Variants in RFX2 observed in about 807,000 individuals in gnomAD.
The protein encoded by RFX2 is DNA-binding protein RFX2.
Under a neutral mutation model 87.8 loss-of-function variants are expected in RFX2, and 20 were observed. The ratio of observed to expected loss-of-function variants is 0.23; its 90% CI spans 0.16 to 0.33. RFX2 has a LOEUF of 0.33. RFX2 is among the 10% of genes least tolerant of loss of function. RFX2 has a pLI of 1.00. For missense variants in RFX2, 767 were observed against 1,012.3 expected (o/e 0.76, Z 3.29); for synonymous variants, 397 against 431.3 (o/e 0.92, Z 0.98).
Position 6,021,724 on chromosome 19 carries a change from G to A in RFX2, c.597+4439C>T, listed in dbSNP as rs2086813648. ...GGAGTGGGAGAGAGCGGGTCCTGCA[G>A]GGCCTTGTGGGCCATTTTGACAACA... On this transcript the variant is annotated intron_variant, in intron 6 of 17. Coordinates refer to ENST00000303657, the MANE Select transcript of RFX2 (RefSeq NM_000635.4). This position sits in a 1 kb window ranked among gnomAD's most constrained non-coding sequence, Gnocchi z 5.7. Among the ~76,000 whole-genome samples, 1 of 152,256 alleles carries A rather than the reference G, an allele frequency of 6.6e-6. No homozygotes were observed. Among genetic ancestry groups the A allele is most frequent in the South Asian group, 2.1e-4 (1 of 4,834 alleles).
chr19:6,031,640 G>A (rs1267223287), intron 5 of RFX2, among the ~76,000 whole-genome samples: 4 of 151,888 alleles, frequency 2.6e-5, no homozygotes, highest in South Asian at 2.1e-4. Context: ...ATGTTGGCCA[G>A]GCTGGTCTTG....
intron 1 of RFX2, among the ~76,000 whole-genome samples, chr19:6,071,007 G>A (rs903525671): frequency 2.6e-5 from 4 of 152,298 alleles, no homozygotes; most frequent in African/African-American, 4.8e-5. Flanking sequence ...GTGAGCCCCC[G>A]TGCCTGGCCC....
chr19:6,004,084 C>T lies in RFX2; in HGVS notation c.1500+117G>A. The T allele has an allele frequency of 1.2e-6, 1 of 801,218 alleles. No homozygotes were observed. The allele number at this position is 801,218 out of a possible 1,614,324, so 49.6% of individuals were successfully genotyped here. ...CAGGGCTTCCTGAAGGGATCGGTTA[C>T]TCTCATGACGCAGGGAAGAAGCCAG... On this transcript the variant is annotated intron_variant, in intron 13 of 17. Transcript: ENST00000303657. This position sits in a 1 kb window ranked among gnomAD's most constrained non-coding sequence, Gnocchi z 4.8.
chr19:5,995,276 G>T (rs2086390649), intron 17 of RFX2, among the ~76,000 whole-genome samples: 1 of 152,156 alleles, frequency 6.6e-6, no homozygotes, highest in Admixed American at 6.5e-5. Context: ...CGGGGCCCGG[G>T]GGTCCCTCTG....
chr19:6,100,134 T>C (rs2088095927), intron 1 of RFX2, among the ~76,000 whole-genome samples: 1 of 152,176 alleles, frequency 6.6e-6, no homozygotes, highest in Non-Finnish European at 1.5e-5. Flanking sequence ...GAGTAGGATT[T>C]TCTTCAGTAG....
At chr19:5,995,752 C>T in intron 16 of RFX2, 109 bp from the exon 17 acceptor site, 2 of 948,706 alleles carry the variant, frequency 2.1e-6, no homozygotes, top group South Asian at 2.8e-5. Flanking sequence ...CCTCCATTCA[C>T]AGTGAAGCAG....
Position 5,999,604 on chromosome 19 carries a change from G to A in RFX2, c.1859+2211C>T, listed in dbSNP as rs1006419755. ...GGCAGAGCCGCATAGTCTATTAGGC[G>A]TGTGGTTCCTCTCATTCATTCACTG... On this transcript the variant is annotated intron_variant, in intron 15 of 17. Transcript: ENST00000303657. The surrounding 1 kb of genome is among the most constrained non-coding windows in gnomAD (Gnocchi z 4.1). Among the ~76,000 whole-genome samples, 3 of 152,258 alleles carry A rather than the reference G, an allele frequency of 2.0e-5. No individual in the cohort carries two copies. Among genetic ancestry groups the A allele is most frequent in the African/African-American group, 7.2e-5 (3 of 41,548 alleles).
chr19:6,002,174 C>T lies in RFX2; in HGVS notation c.1651-151G>A, dbSNP rs2086498587. On this transcript the variant is annotated intron_variant, in intron 14 of 17. Transcript: ENST00000303657. The surrounding 1 kb of genome is among the most constrained non-coding windows in gnomAD (Gnocchi z 6.7). ...CAGCTGCAAGCCAAGTCCTGTGTCT[C>T]CCGTCACAGGGGCAGAATAGAGAGC... 3.0e-6 allele frequency: 2 copies of T among 664,536 alleles called. No homozygotes were observed. Among genetic ancestry groups the T allele is most frequent in the East Asian group, 2.9e-5 (1 of 34,454 alleles). The allele number at this position is 664,536 out of a possible 1,614,324, so 41.2% of individuals were successfully genotyped here. A position where few individuals can be genotyped will look rare whatever the true frequency, so the allele number is the denominator to read the frequency against.
Position 6,073,168 on chromosome 19 carries a change from C to T in RFX2, c.-8-25664G>A, listed in dbSNP as rs990649390. 25 of 453,654 alleles carry T rather than the reference C, an allele frequency of 5.5e-5. 1 individual carries two copies. The highest frequency in any genetic ancestry group is 3.4e-4 in the Admixed American group (10 of 29,684). The allele number at this position is 453,654 out of a possible 1,614,324, so 28.1% of individuals were successfully genotyped here. ...CTAGTTTTTGTATTTTTATTAGAGA[C>T]GGGGTTTCACCATGTTGGCCAGGCT... On this transcript the variant is annotated intron_variant, in intron 1 of 17. Transcript: ENST00000303657.
intron 3 of RFX2, 99 bp from the exon 4 acceptor site, chr19:6,042,222 T>C: frequency 1.9e-6 from 2 of 1,029,100 alleles, no homozygotes; most frequent in Non-Finnish European, 3.0e-6. Context: ...TTTATGAACA[T>C]TTAGTACCAA....
rs767349009 is a variant in RFX2 at position 5,997,075 on chromosome 19, G to A, written c.1998C>T (p.Ile666=). The A allele has an allele frequency of 9.3e-6, 15 of 1,611,648 alleles. No homozygotes were observed. The highest frequency in any genetic ancestry group is 4.0e-5 in the African/African-American group (3 of 74,946). Reference sequence around the variant, plus strand: ...GGGTCCTCACCTCTCCCATCACAGCGATCGGCGTCTCTCCGGTGGCCTCCG... The same window carrying A: ...GGGTCCTCACCTCTCCCATCACAGCAATCGGCGTCTCTCCGGTGGCCTCCG... ...RVAEATGETP[I]AVMGEFNDLA... is the part of the protein sequence containing the mutation. The change falls in exon 16 of 18, where the codon ATC becomes ATT. Residue 666 remains isoleucine, a synonymous_variant. Coordinates refer to ENST00000303657, the MANE Select transcript of RFX2 (RefSeq NM_000635.4). The surrounding 1 kb of genome is among the most constrained non-coding windows in gnomAD (Gnocchi z 4.2).
intron 4 of RFX2, 43 bp downstream of exon 4, chr19:6,042,001 C>A (rs772237565): frequency 1.3e-6 from 2 of 1,554,796 alleles, no homozygotes; most frequent in Non-Finnish European, 1.8e-6. Flanking sequence ...AGGCTGGAGT[C>A]AGGGAGAGGG....
intron 1 of RFX2, among the ~76,000 whole-genome samples, chr19:6,048,021 G>C (rs1040657726): frequency 6.6e-6 from 1 of 152,214 alleles, no homozygotes; most frequent in African/African-American, 2.4e-5. Context: ...GCAGGGTGCT[G>C]AGCAGCACCC....
intron 1 of RFX2, among the ~76,000 whole-genome samples, chr19:6,108,023 C>T (rs558933238): frequency 4.6e-5 from 7 of 152,280 alleles, no homozygotes; most frequent in African/African-American, 1.7e-4. Context: ...TTCTCAGATT[C>T]AGTGGTTTAT....
intron 1 of RFX2, among the ~76,000 whole-genome samples, chr19:6,048,068 C>T (rs961204131): frequency 1.3e-5 from 2 of 152,206 alleles, no homozygotes; most frequent in African/African-American, 4.8e-5. Context: ...AGCGCCCCCT[C>T]CCCAAGCTGT....
rs1366849680 is a variant in RFX2 at position 5,999,601 on chromosome 19, G to A, written c.1859+2214C>T. Among the ~76,000 whole-genome samples, 5 of 152,104 alleles carry A rather than the reference G, an allele frequency of 3.3e-5. No homozygotes were observed. Among genetic ancestry groups the A allele is most frequent in the African/African-American group, 1.2e-4 (5 of 41,402 alleles). On this transcript the variant is annotated intron_variant, in intron 15 of 17. Coordinates refer to ENST00000303657, the MANE Select transcript of RFX2 (RefSeq NM_000635.4). The surrounding 1 kb of genome is among the most constrained non-coding windows in gnomAD (Gnocchi z 4.1). ...CATGGCAGAGCCGCATAGTCTATTA[G>A]GCGTGTGGTTCCTCTCATTCATTCA...
chr19:6,002,805 C>T lies in RFX2; in HGVS notation c.1566G>A (p.Gln522=), dbSNP rs140899437. ...RRYTSLNHLA[Q]AARAVLQNTS... ...TGTTCTGCAGCACCGCCCGGGCCGC[C>T]TGCGCCAGGTGGTTGAGGGACGTGT... The change falls in exon 14 of 18, where the codon CAG becomes CAA. Residue 522 remains glutamine, a synonymous_variant. Transcript: ENST00000303657. This position sits in a 1 kb window ranked among gnomAD's most constrained non-coding sequence, Gnocchi z 6.7. 3.7e-6 allele frequency: 6 copies of T among 1,613,646 alleles called. No individual in the cohort carries two copies. The African/African-American group carries it at 8.0e-5, about 22-fold the overall frequency.
chr19:6,019,416 G>C (rs543191160), intron 6 of RFX2, among the ~76,000 whole-genome samples: 1 of 151,800 alleles, frequency 6.6e-6, no homozygotes, highest in Non-Finnish European at 1.5e-5. Flanking sequence ...CAGAGTGCTT[G>C]GACCCTTAAG....
chr19:6,019,585 G>GATATATATATATATATAT (rs141504032), intron 6 of RFX2, among the ~76,000 whole-genome samples: 9 of 129,470 alleles, frequency 7.0e-5, no homozygotes, highest in African/African-American at 2.8e-4. Flanking sequence ...TAGAGACAGG[G>GATATATATATATATATAT]ATATATATAT....
Sources: allele counts gnomAD v4.1 joint callset (sites outside exome capture counted in the v4.1 genomes callset), GRCh38; gene constraint gnomAD v4.1.1; non-coding constraint Gnocchi (gnomAD v3.1); transcripts MANE v1.5; gene names NCBI Gene and HGNC (gene_info 2026-07-23, HGNC 2026-07-21).